NEK10: variants seen among roughly 807,000 people sequenced by gnomAD.
NEK10 encodes the protein serine/threonine-protein kinase Nek10.
NEK10 carries 122 observed loss-of-function variants against 159.8 expected under a neutral mutation model. The ratio of observed to expected loss-of-function variants is 0.76; its 90% CI spans 0.66 to 0.89. The LOEUF is 0.89. Ranked by LOEUF, NEK10 falls within the 40% of genes least tolerant of loss-of-function variation. The pLI, the probability that NEK10 is intolerant of heterozygous loss-of-function variation, is 0.00. For missense variants in NEK10, 1,342 were observed against 1,323.1 expected, an observed-to-expected ratio of 1.01 and a Z score of -0.22; for synonymous variants, 466 against 457.1, an observed-to-expected ratio of 1.02 and a Z score of -0.25.
intron 23 of NEK10, among the ~76,000 whole-genome samples, chr3:27,249,665 T>C (rs918297044): frequency 6.6e-6 from 1 of 152,192 alleles, no homozygotes; most frequent in African/African-American, 2.4e-5. Context: ...CTTAGTTTTT[T>C]GTCCACTGGG....
intron 3 of NEK10, among the ~76,000 whole-genome samples, chr3:27,349,481 C>T (rs745622228): frequency 6.6e-6 from 1 of 152,158 alleles, no homozygotes; most frequent in Non-Finnish European, 1.5e-5. Context: ...CCATAATTAT[C>T]TGTGCCTACT....
chr3:27,158,283 T>G (rs1945694350), intron 30 of NEK10, among the ~76,000 whole-genome samples: 1 of 152,170 alleles, frequency 6.6e-6, no homozygotes, highest in Non-Finnish European at 1.5e-5. Flanking sequence ...GACTAAAACC[T>G]GTGAGCAAAT....
chr3:27,325,874 TG>T (rs2045964880), intron 5 of NEK10, among the ~76,000 whole-genome samples: 1 of 152,342 alleles, frequency 6.6e-6, no homozygotes, highest in African/African-American at 2.4e-5. Context: ...GCAGCTATGC[TG>T]CCCACCACAG....
At chr3:27,282,571 T>TTATATA (rs371647398) in intron 22 of NEK10, among the ~76,000 whole-genome samples, 1 of 43,122 alleles carries the variant, frequency 2.3e-5, no homozygotes, top group African/African-American at 1.6e-4. Flanking sequence ...CATAACTGTG[T>TTATATA]TATATATATA....
chr3:27,247,211 A>G (rs977625432), intron 23 of NEK10, among the ~76,000 whole-genome samples: 10 of 152,192 alleles, frequency 6.6e-5, no homozygotes, highest in African/African-American at 2.4e-4. Flanking sequence ...TAGATCTTCA[A>G]GAAGAGGTTT....
chr3:27,281,527 A>C, intron 22 of NEK10, among the ~76,000 whole-genome samples: 1 of 152,120 alleles, frequency 6.6e-6, no homozygotes, highest in Admixed American at 6.6e-5. Flanking sequence ...AAAACTTGAG[A>C]GAATAAGAAC....
At chr3:27,295,788 AG>A in intron 14 of NEK10, 98 bp from the exon 15 acceptor site, 1 of 1,377,508 alleles carries the variant, frequency 7.3e-7, no homozygotes, top group Non-Finnish European at 9.5e-7. Flanking sequence ...ATATCAAAGA[AG>A]AAATATTAGT....
intron 26 of NEK10, among the ~76,000 whole-genome samples, chr3:27,182,832 G>A (rs906344715): frequency 2.6e-4 from 39 of 152,012 alleles, no homozygotes; most frequent in Admixed American, 2.2e-3. Context: ...GGCACAGAAA[G>A]AGAAATACAA....
At chr3:27,257,934 G>A (rs757954788) in intron 22 of NEK10, among the ~76,000 whole-genome samples, 1 of 151,800 alleles carries the variant, frequency 6.6e-6, no homozygotes, top group Middle Eastern at 3.2e-3. Context: ...GACTACAGGA[G>A]CCCGCCAGCA....
chr3:27,293,554 C>T, intron 16 of NEK10, 34 bp downstream of exon 16: 1 of 1,159,908 alleles, frequency 8.6e-7, no homozygotes, highest in South Asian at 1.4e-5. Context: ...ATCTCCTAAA[C>T]CTAATGATCA....
chr3:27,300,054 A>G (rs1407262821), intron 13 of NEK10, among the ~76,000 whole-genome samples: 1 of 152,160 alleles, frequency 6.6e-6, no homozygotes, highest in Non-Finnish European at 1.5e-5. Flanking sequence ...TGGTTTTGAA[A>G]TGTGAGGACA....
intron 5 of NEK10, among the ~76,000 whole-genome samples, chr3:27,324,313 G>C (rs2045862931): frequency 6.6e-6 from 1 of 152,164 alleles, no homozygotes; most frequent in African/African-American, 2.4e-5. Context: ...ATCAGTTGTT[G>C]AGGATACTTG....
intron 22 of NEK10, among the ~76,000 whole-genome samples, chr3:27,263,883 A>G (rs1231481291): frequency 4.6e-5 from 7 of 152,296 alleles, no homozygotes; most frequent in African/African-American, 1.7e-4. Context: ...TTGGAAATGC[A>G]GAAGTCACCC....
chr3:27,250,212 A>G (rs1405088783), intron 23 of NEK10, among the ~76,000 whole-genome samples: 3 of 147,614 alleles, frequency 2.0e-5, no homozygotes, highest in Admixed American at 1.4e-4. Flanking sequence ...TTTGAGATGG[A>G]GTCTCTCTCT....
intron 30 of NEK10, among the ~76,000 whole-genome samples, chr3:27,157,671 A>C (rs1337774422): frequency 6.6e-6 from 1 of 152,228 alleles, no homozygotes; most frequent in Non-Finnish European, 1.5e-5. Flanking sequence ...AAGCAGCAGT[A>C]GGTTTCAGGG....
intron 1 of NEK10, chr3:27,368,943 C>G (rs1299489526): frequency 1.3e-5 from 2 of 152,296 alleles, no homozygotes; most frequent in Non-Finnish European, 2.9e-5. Context: ...CTCCATTTAA[C>G]CAGAATAATT....
At chr3:27,260,909 G>A (rs1399567749) in intron 22 of NEK10, among the ~76,000 whole-genome samples, 5 of 152,082 alleles carry the variant, frequency 3.3e-5, no homozygotes, top group Non-Finnish European at 7.4e-5. Context: ...GCCTGTTATT[G>A]GTCTATTCAG....
intron 12 of NEK10, among the ~76,000 whole-genome samples, chr3:27,302,084 T>C (rs1345524042): frequency 5.3e-5 from 8 of 152,226 alleles, no homozygotes; most frequent in Admixed American, 2.0e-4. Context: ...GCCACCTTTG[T>C]TTTTGAATTT....
chr3:27,266,696 G>A (rs1261178979), intron 22 of NEK10, among the ~76,000 whole-genome samples: 2 of 152,160 alleles, frequency 1.3e-5, no homozygotes, highest in African/African-American at 2.4e-5. Context: ...CTTTGTTAAT[G>A]GAGCTGGACC....
Sources: allele counts gnomAD v4.1 joint callset (sites outside exome capture counted in the v4.1 genomes callset), GRCh38; gene constraint gnomAD v4.1.1; transcripts MANE v1.5; gene names NCBI Gene and HGNC (gene_info 2026-07-23, HGNC 2026-07-21).